SLC1A1: variants seen among roughly 807,000 people sequenced by gnomAD.
SLC1A1 encodes the protein excitatory amino acid transporter 3.
Under a neutral mutation model 53.3 loss-of-function variants are expected in SLC1A1, and 43 were observed. The observed-to-expected ratio is 0.81, with a 90% CI of 0.63 to 1.04. The LOEUF is 1.04. Among genes scored for constraint, SLC1A1 ranks in the 50% least tolerant of loss-of-function variants. The probability of loss-of-function intolerance (pLI) is 0.00; values close to 1 mark genes in which losing one functional copy is unlikely to be tolerated. For missense variants in SLC1A1, 748 were observed against 664.9 expected (o/e 1.12, Z -1.37); for synonymous variants, 307 against 243.2 (o/e 1.26, Z -2.44).
chr9:4,509,374 A>T (rs964063308), intron 1 of SLC1A1, among the ~76,000 whole-genome samples: 4 of 152,084 alleles, frequency 2.6e-5, no homozygotes, highest in Non-Finnish European at 5.9e-5. Flanking sequence ...GGGTAAAAGG[A>T]ATCAGCAAGG....
chr9:4,520,360 T>A (rs968519504), intron 1 of SLC1A1, among the ~76,000 whole-genome samples: 1 of 152,142 alleles, frequency 6.6e-6, no homozygotes, highest in Non-Finnish European at 1.5e-5. Context: ...GCCATCAAAT[T>A]ATCAACCAAT....
chr9:4,578,819 GTTCTTTTGGACA>G (rs1820799704), intron 10 of SLC1A1, among the ~76,000 whole-genome samples: 1 of 152,208 alleles, frequency 6.6e-6, no homozygotes, highest in Non-Finnish European at 1.5e-5. Flanking sequence ...ATTGCAGAAA[GTTCTTTTGGACA>G]GCACTATGTT....
intron 1 of SLC1A1, among the ~76,000 whole-genome samples, chr9:4,492,958 T>C (rs1374256732): frequency 1.3e-5 from 2 of 152,184 alleles, no homozygotes; most frequent in African/African-American, 4.8e-5. Context: ...TGCGATTCAC[T>C]GGAGACTGGT....
At chr9:4,541,720 T>G (rs570688067) in intron 1 of SLC1A1, among the ~76,000 whole-genome samples, 1 of 152,344 alleles carries the variant, frequency 6.6e-6, no homozygotes, top group African/African-American at 2.4e-5. Flanking sequence ...AAATAAAGTT[T>G]CAACGGCTGA....
At chr9:4,519,512 C>A (rs546676427) in intron 1 of SLC1A1, among the ~76,000 whole-genome samples, 14 of 152,296 alleles carry the variant, frequency 9.2e-5, no homozygotes, top group African/African-American at 3.4e-4. Flanking sequence ...TCACACCAGG[C>A]AATAATTTTG....
At chr9:4,541,996 A>T (rs916967150) in intron 1 of SLC1A1, among the ~76,000 whole-genome samples, 1 of 152,174 alleles carries the variant, frequency 6.6e-6, no homozygotes, top group Admixed American at 6.5e-5. Flanking sequence ...TGCTGTTTCT[A>T]AACTGCTTGA....
intron 7 of SLC1A1, among the ~76,000 whole-genome samples, chr9:4,573,291 A>G (rs945433856): frequency 1.3e-5 from 2 of 152,230 alleles, no homozygotes; most frequent in Non-Finnish European, 2.9e-5. Context: ...TAAAGGGTTC[A>G]GTAAAAATGG....
chr9:4,582,950 G>T (rs570149570), intron 10 of SLC1A1, 88 bp from the exon 11 acceptor site: 1 of 1,531,042 alleles, frequency 6.5e-7, no homozygotes, highest in Non-Finnish European at 9.0e-7. Context: ...AATAGCCATC[G>T]GGACTAAGCG....
intron 1 of SLC1A1, among the ~76,000 whole-genome samples, chr9:4,540,214 C>T (rs920930989): frequency 1.3e-5 from 2 of 152,050 alleles, no homozygotes; most frequent in African/African-American, 2.4e-5. Context: ...CCAGGGATGG[C>T]CAGACTCTGG....
intron 1 of SLC1A1, among the ~76,000 whole-genome samples, chr9:4,503,067 G>C (rs1294600295): frequency 2.0e-5 from 3 of 151,730 alleles, no homozygotes; most frequent in African/African-American, 7.3e-5. Context: ...TTATGTTGTA[G>C]ACTTCTCTGA....
intron 1 of SLC1A1, among the ~76,000 whole-genome samples, chr9:4,522,311 A>G (rs542953648): frequency 1.3e-5 from 2 of 152,110 alleles, no homozygotes; most frequent in African/African-American, 4.8e-5. Context: ...TCAGCCTCCC[A>G]AAGTGCTGGG....
At chr9:4,537,355 C>T (rs1217342734) in intron 1 of SLC1A1, among the ~76,000 whole-genome samples, 3 of 39,780 alleles carry the variant, frequency 7.5e-5, no homozygotes, top group East Asian at 5.6e-4. Context: ...GTCAGGAGAT[C>T]GAGACCATCC....
At chr9:4,503,909 T>A (rs1318346363) in intron 1 of SLC1A1, among the ~76,000 whole-genome samples, 2 of 148,198 alleles carry the variant, frequency 1.3e-5, no homozygotes, top group Non-Finnish European at 2.9e-5. Context: ...AGAAGCCCAC[T>A]CAGTTGTATG....
chr9:4,556,475 G>C lies in SLC1A1; in HGVS notation c.233-4974G>C, dbSNP rs997939009. Reference sequence around the variant, plus strand: ...CTATAGGACAGCTTTCAACTCCCAGGAGAAACGAGTTCTGATAGTGAACTG... The same window carrying C: ...CTATAGGACAGCTTTCAACTCCCAGCAGAAACGAGTTCTGATAGTGAACTG... On this transcript the variant is annotated intron_variant, in intron 2 of 11. Transcript: ENST00000262352. This position sits in a 1 kb window ranked among gnomAD's most constrained non-coding sequence, Gnocchi z 4.1. 1.3e-5 allele frequency among the ~76,000 whole-genome samples: 2 copies of C among 152,164 alleles called. No individual in the cohort carries two copies. The highest frequency in any genetic ancestry group is 4.8e-5 in the African/African-American group (2 of 41,442).
intron 1 of SLC1A1, among the ~76,000 whole-genome samples, chr9:4,508,100 A>G (rs985470527): frequency 6.6e-6 from 1 of 152,176 alleles, no homozygotes; most frequent in African/African-American, 2.4e-5. Flanking sequence ...TTGCCCTGAT[A>G]CTGAGGAAGG....
rs112237403 is a variant in SLC1A1, at chr9:4,552,662, A to C, written c.232+7955A>C. ...CCATCCTAGAGGGGCAAGAGAGTCC[A>C]GTGGTTAAGAGTACAGACAGGAGCC... On this transcript the variant is annotated intron_variant, in intron 2 of 11. Coordinates refer to ENST00000262352, the MANE Select transcript of SLC1A1 (RefSeq NM_004170.6). 7.1e-3 allele frequency among the ~76,000 whole-genome samples: 1,075 copies of C among 152,178 alleles called. 15 individuals carry two copies. Among genetic ancestry groups the C allele is most frequent in the African/African-American group, 0.024 (981 of 41,514 alleles).
At chr9:4,520,936 CTTTT>C (rs1387051124) in intron 1 of SLC1A1, among the ~76,000 whole-genome samples, 1 of 152,156 alleles carries the variant, frequency 6.6e-6, no homozygotes, top group Non-Finnish European at 1.5e-5. Context: ...ATCATTTTCT[CTTTT>C]TTGTGTTTTT....
chr9:4,522,176 C>G (rs1417307942), intron 1 of SLC1A1, among the ~76,000 whole-genome samples: 2 of 151,322 alleles, frequency 1.3e-5, no homozygotes, highest in Admixed American at 6.6e-5. Context: ...CTAAGCCTCC[C>G]GAGTAGCTGG....
At chr9:4,533,996 G>A (rs1231620936) in intron 1 of SLC1A1, among the ~76,000 whole-genome samples, 1 of 152,138 alleles carries the variant, frequency 6.6e-6, no homozygotes, top group African/African-American at 2.4e-5. Context: ...AAATAAAGAT[G>A]TTCTTTGAAA....
Sources: gnomAD v4.1 joint callset for allele counts (sites outside exome capture counted in the v4.1 genomes callset) on GRCh38, gnomAD v4.1.1 for gene constraint, Gnocchi (gnomAD v3.1) non-coding constraint, MANE v1.5 for transcripts, NCBI Gene and HGNC (gene_info 2026-07-23, HGNC 2026-07-21) for gene names.